The following STK36 variants were observed in gnomAD, a reference collection of about 807,000 sequenced individuals.
STK36 encodes the protein serine/threonine-protein kinase 36.
In STK36, 116 loss-of-function variants were observed where a neutral mutation model predicts 142.2. That is an observed-to-expected ratio of 0.82 (90% CI 0.70 to 0.95). STK36 has a LOEUF of 0.95. Ranked by LOEUF, STK36 falls within the 40% of genes least tolerant of loss-of-function variation. The pLI, the probability that STK36 is intolerant of heterozygous loss-of-function variation, is 0.00. For missense variants in STK36, 1,422 were observed against 1,617.2 expected (o/e 0.88, Z 2.07); for synonymous variants, 619 against 641.7 (o/e 0.96, Z 0.53).
At chr2:218,673,238 G>C (rs1940070767) in intron 2 of STK36, 2 of 374,512 alleles carry the variant, frequency 5.3e-6, no homozygotes, top group Admixed American at 8.6e-5. Context: ...TTAGTACAGT[G>C]CCTGGCTGTT....
In STK36 at chr2:218,697,574, T is replaced by C; in HGVS notation, c.2873T>C (p.Leu958Pro). Residue 958 changes from leucine to proline, a missense_variant, in exon 24 of 27, where the codon CTG (leucine) becomes CCG (proline). Physicochemically the swap from Leu to Pro is moderately conservative, Grantham distance 98. Coordinates refer to ENST00000295709, the MANE Select transcript of STK36 (RefSeq NM_015690.5). Reference sequence around the variant, plus strand: ...ATCCTCATGTCCATCCTGAAGCATCTGCTTTGCCCCAGCTTCCTGAATCAA... The same window carrying C: ...ATCCTCATGTCCATCCTGAAGCATCCGCTTTGCCCCAGCTTCCTGAATCAA... Reference protein sequence around the residue: ...GSILMSILKHLLCPSFLNQLR... With the variant: ...GSILMSILKHPLCPSFLNQLR... The C allele has an allele frequency of 6.2e-7, 1 of 1,614,238 alleles. No individual in the cohort carries two copies. Among genetic ancestry groups the C allele is most frequent in the Non-Finnish European group, 8.5e-7 (1 of 1,180,046 alleles).
rs1941160032 is a variant in STK36, at chr2:218,694,757, C to G, written c.2511+122C>G. On this transcript the variant is annotated intron_variant, in intron 21 of 26. Transcript: ENST00000295709. This position sits in a 1 kb window ranked among gnomAD's most constrained non-coding sequence, Gnocchi z 4.4. ...GTAAACTGAGGAATGGAAAAGGAAT[C>G]AAGGAGCCCTTCCTTTTCTAGATTT... is the stretch of plus-strand genomic sequence containing the variant. 1 of 796,908 alleles carries G rather than the reference C, an allele frequency of 1.3e-6. No homozygotes were observed. The allele number at this position is 796,908 out of a possible 1,614,324, so 49.4% of individuals were successfully genotyped here.
chr2:218,690,327 G>A, intron 13 of STK36, 123 bp from the exon 14 acceptor site: 1 of 795,132 alleles, frequency 1.3e-6, no homozygotes, highest in Admixed American at 1.8e-5. Context: ...CAAGGGAGAA[G>A]GGAGGAACAT....
intron 11 of STK36, among the ~76,000 whole-genome samples, chr2:218,688,200 A>G (rs746119): frequency 6.6e-6 from 1 of 152,178 alleles, no homozygotes; most frequent in Non-Finnish European, 1.5e-5. Flanking sequence ...AAAATATAAT[A>G]CTATCCTTAG....
At chr2:218,687,229 G>T (rs1940813829) in intron 11 of STK36, among the ~76,000 whole-genome samples, 1 of 152,198 alleles carries the variant, frequency 6.6e-6, no homozygotes, top group Non-Finnish European at 1.5e-5. Context: ...TCTCATAAGA[G>T]TGTCTTTTGA....
At chr2:218,672,483 C>T in intron 1 of STK36, 1 of 309,956 alleles carries the variant, frequency 3.2e-6, no homozygotes, top group Non-Finnish European at 6.2e-6. Flanking sequence ...GTTGGTTGGG[C>T]GAGGCTAGGT....
At chr2:218,689,724 C>G (rs1440325582) in intron 12 of STK36, 135 bp from the exon 13 acceptor site, 1 of 702,582 alleles carries the variant, frequency 1.4e-6, no homozygotes, top group Admixed American at 2.7e-5. Context: ...AACTCTCTCT[C>G]TGCCTATACT....
Position 218,697,839 on chromosome 2 carries a change from C to A in STK36, c.2910-15C>A. 1 of 1,613,630 alleles carries A rather than the reference C, an allele frequency of 6.2e-7. No homozygotes were observed. Among genetic ancestry groups the A allele is most frequent in the African/African-American group, 1.3e-5 (1 of 75,036 alleles). On this transcript the variant is annotated splice_polypyrimidine_tract_variant and intron_variant, in intron 24 of 26. Transcript: ENST00000295709. ...AGTGAACAAGACCAAGTCTCTTCGA[C>A]ATTCCTCTCCTTAGGCCTCATGGGT...
intron 11 of STK36, chr2:218,688,413 G>A (rs1443628897): frequency 1.8e-6 from 1 of 570,870 alleles, no homozygotes; most frequent in East Asian, 4.1e-5. Flanking sequence ...AGAAGGGAGG[G>A]AGCAGATGGG....
In STK36 at chr2:218,673,741, T is replaced by G. The variant is rs762101900; in HGVS notation, c.201T>G (p.Leu67=). ...GGCATCCCAACATTGTGCATATGCT[T>G]GACAGCTTTGAAACTGATAAAGAGG... The part of the protein sequence containing the change: ...GLRHPNIVHM[L]DSFETDKEVV... The change falls in exon 3 of 27, where the codon CTT becomes CTG. Residue 67 remains leucine (L), a synonymous_variant. Transcript: ENST00000295709. The G allele has an allele frequency of 6.2e-7, 1 of 1,614,112 alleles. No homozygotes were observed. Among genetic ancestry groups the G allele is most frequent in the Admixed American group, 1.7e-5 (1 of 59,990 alleles).
In STK36 at chr2:218,679,957, C is replaced by G; in HGVS notation, c.1013C>G (p.Thr338Arg). ...AAGACCAGCAAGGTGGCTCCTGGCA[C>G]AGCCCCTCTGCCCAGACTCGGGGCC... is the stretch of plus-strand genomic sequence containing the variant. Reference protein sequence around the residue: ...EDKTSKVAPGTAPLPRLGATP... With the variant: ...EDKTSKVAPGRAPLPRLGATP... The change falls in exon 9 of 27, where the codon ACA becomes AGA. Residue 338 changes from threonine (T) to arginine (R), a missense_variant. This residue lies in a region of STK36 where 460 missense variants were observed against 449.6 expected (regional missense o/e 1.02). Transcript: ENST00000295709. 1.9e-6 allele frequency: 3 copies of G among 1,614,236 alleles called. No individual in the cohort carries two copies. Among genetic ancestry groups the G allele is most frequent in the Non-Finnish European group, 2.5e-6 (3 of 1,180,026 alleles).
chr2:218,682,525 C>T (rs927567604), intron 10 of STK36, among the ~76,000 whole-genome samples: 2 of 152,158 alleles, frequency 1.3e-5, no homozygotes, highest in Non-Finnish European at 2.9e-5. Flanking sequence ...CTAATTGCTT[C>T]AGTAATGTGC....
Position 218,679,738 on chromosome 2 carries a change from G to A in STK36, c.948+9G>A, listed in dbSNP as rs764768386. ...AGGAGGCCATGCAGAAGGTGTGTGG[G>A]GCAGAGGAAAATATGTGAAATGACC... is the stretch of plus-strand genomic sequence containing the variant. On this transcript the variant is annotated intron_variant, in intron 8 of 26. Coordinates refer to ENST00000295709, the MANE Select transcript of STK36 (RefSeq NM_015690.5). 1.9e-6 allele frequency: 3 copies of A among 1,614,082 alleles called. No homozygotes were observed. The highest frequency in any genetic ancestry group is 1.7e-5 in the Admixed American group (1 of 60,014).
At position 218,673,615 on chromosome 2, in the gene STK36, C is replaced by T; in HGVS notation, c.85-10C>T. On this transcript the variant is annotated splice_polypyrimidine_tract_variant and intron_variant, in intron 2 of 26. Transcript: ENST00000295709. ...GATTAGGCGTTAACTTTTCACCTTACCACTGACAGGTCGTGGCCCTGAAGT... is the reference window on the plus strand; with the variant it reads ...GATTAGGCGTTAACTTTTCACCTTATCACTGACAGGTCGTGGCCCTGAAGT... 1 of 1,610,160 alleles carries T rather than the reference C, an allele frequency of 6.2e-7. No homozygotes were observed. The highest frequency in any genetic ancestry group is 8.5e-7 in the Non-Finnish European group (1 of 1,178,580).
In STK36 at chr2:218,694,055, GA is replaced by G; in HGVS notation, c.2336+74del. 6.9e-7 allele frequency: 1 copy of G among 1,452,718 alleles called. No homozygotes were observed. Among genetic ancestry groups the G allele is most frequent in the Non-Finnish European group, 9.7e-7 (1 of 1,034,170 alleles). 90.0% of individuals were successfully genotyped at this position (1,452,718 alleles called of 1,614,324 possible). On this transcript the variant is annotated intron_variant, in intron 19 of 26. Transcript: ENST00000295709. The surrounding 1 kb of genome is among the most constrained non-coding windows in gnomAD (Gnocchi z 4.4). ...AGCTAACCCTCACAAAGAGTATGGG[GA>G]ATGGTACCCTACAGCATATCCTTAG...
chr2:218,679,872 G>A (rs553482537), intron 8 of STK36, 21 bp from the exon 9 acceptor site: 2 of 1,610,684 alleles, frequency 1.2e-6, no homozygotes, highest in East Asian at 4.5e-5. Flanking sequence ...CTGATTCAGT[G>A]TTGCCCCCTA....
rs765505657 is a variant in STK36 at position 218,676,109 on chromosome 2, T to G, written c.515T>G (p.Val172Gly). Residue 172 changes from valine (V) to glycine (G), a missense_variant, in exon 6 of 27, where the codon GTG becomes GGG. Coordinates refer to ENST00000295709, the MANE Select transcript of STK36 (RefSeq NM_015690.5). The stretch of plus-strand genomic sequence containing the variant: ...CCACTCTATATGTCTCCAGAGCTGG[T>G]GGAGGAGCGACCATACGACCACACA... Reference protein sequence around the residue: ...GTPLYMSPELVEERPYDHTAD... With the variant: ...GTPLYMSPELGEERPYDHTAD... 6.2e-7 allele frequency: 1 copy of G among 1,614,124 alleles called. No homozygotes were observed. Among genetic ancestry groups the G allele is most frequent in the East Asian group, 2.2e-5 (1 of 44,882 alleles).
chr2:218,686,078 A>C (rs1451058991), intron 11 of STK36, among the ~76,000 whole-genome samples: 2 of 151,778 alleles, frequency 1.3e-5, no homozygotes, highest in South Asian at 4.2e-4. Context: ...GACTGGGATT[A>C]CAGGCTCGTG....
At chr2:218,677,003 G>A (rs1206393911) in intron 6 of STK36, among the ~76,000 whole-genome samples, 4 of 151,878 alleles carry the variant, frequency 2.6e-5, no homozygotes, top group Non-Finnish European at 4.4e-5. Context: ...GCGCGATCTC[G>A]GCTGACCGCA....
Sources: gnomAD v4.1 joint callset for allele counts (sites outside exome capture counted in the v4.1 genomes callset) on GRCh38, gnomAD v4.1.1 for gene constraint, gnomAD v4.1.1 regional missense constraint, Gnocchi (gnomAD v3.1) non-coding constraint, MANE v1.5 for transcripts, NCBI Gene and HGNC (gene_info 2026-07-23, HGNC 2026-07-21) for gene names.